The following KIAA1217 variants were observed in gnomAD, a reference collection of about 807,000 sequenced individuals.
KIAA1217 encodes KIAA1217.
In KIAA1217, 88 loss-of-function variants were observed where a neutral mutation model predicts 163.9. The observed-to-expected ratio is 0.54, with a 90% confidence interval of 0.45 to 0.64. KIAA1217 has a LOEUF of 0.64. Ranked by LOEUF, KIAA1217 falls within the 30% of genes least tolerant of loss-of-function variation. The pLI is 0.00. For synonymous variants in KIAA1217, 903 were observed against 923.1 expected, an observed-to-expected ratio of 0.98 and a Z score of 0.39; for missense variants, 2,372 against 2,475.0, an observed-to-expected ratio of 0.96 and a Z score of 0.88.
intron 5 of KIAA1217, among the ~76,000 whole-genome samples, chr10:24,442,945 G>A (rs1215161902): frequency 1.4e-5 from 2 of 138,954 alleles, no homozygotes; most frequent in Non-Finnish European, 3.0e-5. Flanking sequence ...GAGTCTCACT[G>A]TGCCATCCAG....
chr10:24,086,660 C>G (rs966587087), intron 2 of KIAA1217, among the ~76,000 whole-genome samples: 4 of 151,930 alleles, frequency 2.6e-5, no homozygotes, highest in Admixed American at 6.6e-5. Flanking sequence ...ATAAATTTGC[C>G]AAACATTAAT....
intron 1 of KIAA1217, among the ~76,000 whole-genome samples, chr10:23,915,241 T>C (rs1589067798): frequency 1.3e-5 from 2 of 151,438 alleles, no homozygotes; most frequent in African/African-American, 4.9e-5. Flanking sequence ...AAAGAAGAGG[T>C]CCTTGGATTT....
intron 15 of KIAA1217, 41 bp downstream of exon 15, chr10:24,532,034 A>C: frequency 6.9e-7 from 1 of 1,444,082 alleles, no homozygotes. Flanking sequence ...CTCTGGGTTC[A>C]GATGATACCC....
chr10:23,702,708 C>CACAA (rs1836546929), intron 1 of KIAA1217, among the ~76,000 whole-genome samples: 1 of 148,038 alleles, frequency 6.8e-6, no homozygotes, highest in East Asian at 2.0e-4. Context: ...CACACACACA[C>CACAA]AAATATATTG....
rs12573706 is a variant in KIAA1217 at position 24,379,646 on chromosome 10, C to A, written c.355-1223C>A. On this transcript the variant is annotated intron_variant, in intron 2 of 20. Coordinates refer to ENST00000376454, the MANE Select transcript of KIAA1217 (RefSeq NM_019590.5). The stretch of plus-strand genomic sequence containing the variant: ...AGCAAGAAGCTGCTCATCCCATTCT[C>A]AAAGGGTACTGCTAGAGTATCAGGC... Among the ~76,000 whole-genome samples, 1,578 of 152,304 alleles carry A rather than the reference C, an allele frequency of 0.01. 92 individuals carry two copies. In the East Asian group the frequency reaches 0.17, roughly 16 times the overall value.
At chr10:23,914,602 A>G (rs547737500) in intron 1 of KIAA1217, among the ~76,000 whole-genome samples, 1 of 152,280 alleles carries the variant, frequency 6.6e-6, no homozygotes, top group South Asian at 2.1e-4. Flanking sequence ...GGTGTGAGCC[A>G]CCATGGTGGG....
intron 2 of KIAA1217, among the ~76,000 whole-genome samples, chr10:24,081,369 G>A (rs1017658014): frequency 2.4e-4 from 37 of 152,174 alleles, no homozygotes; most frequent in African/African-American, 8.0e-4. Context: ...CCAAGGCAGA[G>A]TTTCTGTCTG....
intron 1 of KIAA1217, among the ~76,000 whole-genome samples, chr10:23,867,018 G>A (rs1340281694): frequency 9.4e-6 from 1 of 106,034 alleles, no homozygotes; most frequent in East Asian, 2.7e-4. Context: ...CCGCACAACA[G>A]TCCCCAGAGT....
chr10:24,088,227 G>C (rs2061773030), intron 2 of KIAA1217, among the ~76,000 whole-genome samples: 1 of 106,526 alleles, frequency 9.4e-6, no homozygotes, highest in African/African-American at 3.3e-5. Context: ...CCAAACTTGT[G>C]TCCTCCCAGG....
chr10:23,837,593 G>A (rs1384876789), intron 1 of KIAA1217, among the ~76,000 whole-genome samples: 2 of 152,240 alleles, frequency 1.3e-5, no homozygotes, highest in Non-Finnish European at 2.9e-5. Flanking sequence ...GAGTGCAGTG[G>A]CATGATCATG....
intron 2 of KIAA1217, among the ~76,000 whole-genome samples, chr10:24,241,447 C>T (rs1454605124): frequency 6.6e-6 from 1 of 152,068 alleles, no homozygotes; most frequent in African/African-American, 2.4e-5. Flanking sequence ...TTACTTTTTA[C>T]TGGTACCTAC....
At chr10:24,351,358 T>G (rs920064846) in intron 2 of KIAA1217, among the ~76,000 whole-genome samples, 1 of 152,224 alleles carries the variant, frequency 6.6e-6, no homozygotes, top group Admixed American at 6.5e-5. Flanking sequence ...TGCCCTGGGC[T>G]TTATTCTTTT....
chr10:24,521,513 A>C (rs985321870), intron 11 of KIAA1217, among the ~76,000 whole-genome samples: 1 of 152,090 alleles, frequency 6.6e-6, no homozygotes, highest in Admixed American at 6.5e-5. Context: ...TCAGCCAGTC[A>C]AATTAAAAAG....
At chr10:24,276,651 C>A (rs1054266826) in intron 2 of KIAA1217, among the ~76,000 whole-genome samples, 2 of 150,472 alleles carry the variant, frequency 1.3e-5, no homozygotes, top group African/African-American at 4.9e-5. Context: ...ACTTTGTCAC[C>A]GAGGCCGTAG....
At chr10:24,295,003 G>A (rs963848671) in intron 2 of KIAA1217, among the ~76,000 whole-genome samples, 1 of 152,112 alleles carries the variant, frequency 6.6e-6, no homozygotes, top group African/African-American at 2.4e-5. Flanking sequence ...AAAACCAGAT[G>A]CTTTTCTCTG....
intron 1 of KIAA1217, among the ~76,000 whole-genome samples, chr10:23,795,711 G>A (rs1442900254): frequency 1.3e-5 from 2 of 152,134 alleles, no homozygotes; most frequent in African/African-American, 4.8e-5. Flanking sequence ...CTCTCTTCGG[G>A]CCCATCAGGA....
intron 2 of KIAA1217, among the ~76,000 whole-genome samples, chr10:24,093,429 C>T: frequency 6.6e-6 from 1 of 151,640 alleles, no homozygotes; most frequent in East Asian, 1.9e-4. Context: ...ACCTCAGCCT[C>T]TCAAAGTGCT....
At chr10:24,223,155 T>C (rs1214825961) in intron 2 of KIAA1217, among the ~76,000 whole-genome samples, 1 of 152,154 alleles carries the variant, frequency 6.6e-6, no homozygotes, top group Non-Finnish European at 1.5e-5. Flanking sequence ...TATCTCACCC[T>C]GTGACTTAGA....
intron 14 of KIAA1217, among the ~76,000 whole-genome samples, chr10:24,529,784 C>T (rs2072829649): frequency 6.6e-6 from 1 of 151,052 alleles, no homozygotes; most frequent in African/African-American, 2.4e-5. Context: ...GGAGAAAATG[C>T]CCTAGCTCAT....
Sources: allele counts gnomAD v4.1 joint callset (sites outside exome capture counted in the v4.1 genomes callset), GRCh38; gene constraint gnomAD v4.1.1; transcripts MANE v1.5; gene names NCBI Gene and HGNC (gene_info 2026-07-23, HGNC 2026-07-21).